The following TRAPPC13 variants were observed in gnomAD, a reference collection of about 807,000 sequenced individuals.
TRAPPC13 encodes the protein trafficking protein particle complex subunit 13.
In TRAPPC13, 39 loss-of-function variants were observed where a neutral mutation model predicts 54.0. The ratio of observed to expected loss-of-function variants is 0.72; its 90% CI spans 0.56 to 0.94. The LOEUF is 0.94. TRAPPC13 is among the 40% of genes least tolerant of loss of function. The pLI is 0.00. For synonymous variants in TRAPPC13, 148 were observed against 167.7 expected (o/e 0.88, Z 0.91); for missense variants, 386 against 488.1 (o/e 0.79, Z 1.97).
In TRAPPC13 at chr5:65,635,948, T is replaced by A; in HGVS notation, c.120T>A (p.Asp40Glu). The change falls in exon 3 of 13, where the codon GAT becomes GAA. Residue 40 changes from aspartate (D) to glutamate (E), a missense_variant. Transcript: ENST00000399438. ...TATGTTTTTCTCTTCATTCAGGAGA[T>A]CTCTTTAACCAGCTGATGAGAGATG... The part of the protein sequence containing the change: ...VTCEEKDLPG[D>E]LFNQLMRDDP... 6.3e-7 allele frequency: 1 copy of A among 1,582,088 alleles called. No homozygotes were observed. The highest frequency in any genetic ancestry group is 8.6e-7 in the Non-Finnish European group (1 of 1,162,690).
At chr5:65,636,483 A>G (rs879549041) in intron 3 of TRAPPC13, among the ~76,000 whole-genome samples, 3 of 151,886 alleles carry the variant, frequency 2.0e-5, no homozygotes, top group Non-Finnish European at 2.9e-5. Context: ...AAAAAATCAT[A>G]CTATGTGATT....
chr5:65,647,064 C>T lies in TRAPPC13; in HGVS notation c.310C>T (p.Gln104Ter). ...VKDILVKADL[Q>*]TSSQRLNLSA... is the part of the protein sequence containing the mutation. ...TTAACTTTCTTTCAAGGCTGATCTT[C>T]AGACAAGTTCTCAGCGTTTAAATCT... is the stretch of plus-strand genomic sequence containing the variant. The change falls in exon 5 of 13, where the codon CAG (glutamine) becomes TAG (stop). Residue 104 changes from glutamine (Q) to a stop codon, truncating the protein, a stop_gained. Transcript: ENST00000399438. LOFTEE classifies it high-confidence loss of function. 1 of 1,529,128 alleles carries T rather than the reference C, an allele frequency of 6.5e-7. No individual in the cohort carries two copies. The highest frequency in any genetic ancestry group is 8.8e-7 in the Non-Finnish European group (1 of 1,137,690). The allele number at this position is 1,529,128 out of a possible 1,614,324, so 94.7% of individuals were successfully genotyped here. A position where few individuals can be genotyped will look rare whatever the true frequency, so the allele number is the denominator to read the frequency against.
rs1755484475 is a variant in TRAPPC13, at chr5:65,630,370, T to TGAATGA, written c.47-4931_47-4930insGAATGA. On this transcript the variant is annotated intron_variant, in intron 1 of 12. Coordinates refer to ENST00000399438, the MANE Select transcript of TRAPPC13 (RefSeq NM_024941.4). ...TTCCACTGATTGTCAAAAAGAATATTCTGAATGAAATGAATATGGATTGAA... is the reference window on the plus strand; with the variant it reads ...TTCCACTGATTGTCAAAAAGAATATTGAATGACTGAATGAAATGAATATGGATTGAA... The TGAATGA allele has an allele frequency of 2.1e-6, 3 of 1,457,226 alleles. No homozygotes were observed. The African/African-American group carries it at 4.3e-5, about 21-fold the overall frequency. 90.3% of individuals were successfully genotyped at this position (1,457,226 alleles called of 1,614,324 possible).
intron 1 of TRAPPC13, among the ~76,000 whole-genome samples, chr5:65,628,055 G>C (rs1755331613): frequency 6.6e-6 from 1 of 152,168 alleles, no homozygotes; most frequent in South Asian, 2.1e-4. Flanking sequence ...GTTAGGATGT[G>C]AAAAAGTCTG....
chr5:65,630,256 G>A, intron 1 of TRAPPC13: 1 of 1,535,586 alleles, frequency 6.5e-7, no homozygotes, highest in South Asian at 1.2e-5. Flanking sequence ...GTGAATATGT[G>A]GGAAGTCTTC....
At chr5:65,639,534 A>C (rs1332680469) in intron 4 of TRAPPC13, among the ~76,000 whole-genome samples, 4 of 152,086 alleles carry the variant, frequency 2.6e-5, no homozygotes, top group Non-Finnish European at 4.4e-5. Flanking sequence ...GCTGGCACAC[A>C]CCTGTAGTCC....
intron 1 of TRAPPC13, among the ~76,000 whole-genome samples, chr5:65,632,256 C>A (rs534098831): frequency 6.6e-6 from 1 of 152,146 alleles, no homozygotes; most frequent in East Asian, 1.9e-4. Context: ...AAAATGAGAC[C>A]CTGTCTAGTG....
intron 7 of TRAPPC13, among the ~76,000 whole-genome samples, chr5:65,653,622 A>T (rs1756553127): frequency 2.0e-5 from 3 of 152,222 alleles, no homozygotes; most frequent in Non-Finnish European, 4.4e-5. Flanking sequence ...AGTTTAAAGA[A>T]GCTTTATGGA....
At chr5:65,644,288 T>TG (rs1287442843) in intron 4 of TRAPPC13, among the ~76,000 whole-genome samples, 1 of 152,158 alleles carries the variant, frequency 6.6e-6, no homozygotes, top group Non-Finnish European at 1.5e-5. Flanking sequence ...GTGATTCTTC[T>TG]GCCTCAGCCT....
chr5:65,661,058 C>T (rs1239207466), intron 10 of TRAPPC13, 161 bp downstream of exon 10: 3 of 535,426 alleles, frequency 5.6e-6, no homozygotes, highest in Non-Finnish European at 9.8e-6. Flanking sequence ...ATAGGTAGGT[C>T]GAAGACTGGT....
In TRAPPC13 at chr5:65,653,669, C is replaced by A. The variant is rs994116699; in HGVS notation, c.546+1124C>A. On this transcript the variant is annotated intron_variant, in intron 7 of 12. Transcript: ENST00000399438. ...ACTGGATTGGAGTCTGAAAGGAATG[C>A]AGGTTGGAAACAAGTGTCAAAGCAG... Among the ~76,000 whole-genome samples, 4 of 152,044 alleles carry A rather than the reference C, an allele frequency of 2.6e-5. No individual in the cohort carries two copies. In the East Asian group the frequency reaches 7.7e-4, roughly 29 times the overall value.
intron 1 of TRAPPC13, among the ~76,000 whole-genome samples, chr5:65,633,100 T>G (rs1755608596): frequency 6.6e-6 from 1 of 152,206 alleles, no homozygotes; most frequent in Admixed American, 6.5e-5. Context: ...GTTACTTTTT[T>G]TCTGAAAAAG....
chr5:65,629,678 C>T (rs533736405), intron 1 of TRAPPC13: 2 of 1,536,052 alleles, frequency 1.3e-6, no homozygotes, highest in Admixed American at 2.0e-5. Context: ...TCAAGACTTT[C>T]CTACTCGTCC....
intron 4 of TRAPPC13, among the ~76,000 whole-genome samples, chr5:65,644,745 G>A (rs918655448): frequency 2.6e-5 from 4 of 151,916 alleles, no homozygotes; most frequent in Non-Finnish European, 5.9e-5. Context: ...GCCAGGCTTA[G>A]TGCCGCTTGC....
chr5:65,644,925 G>A (rs1361614941), intron 4 of TRAPPC13, among the ~76,000 whole-genome samples: 1 of 149,662 alleles, frequency 6.7e-6, no homozygotes, highest in African/African-American at 2.5e-5. Flanking sequence ...GGCTGGGCGC[G>A]GTGGCTCATA....
intron 7 of TRAPPC13, among the ~76,000 whole-genome samples, chr5:65,654,112 A>C (rs1178436179): frequency 6.6e-6 from 1 of 152,162 alleles, no homozygotes; most frequent in African/African-American, 2.4e-5. Context: ...GTACACTAAG[A>C]TACCTGTAAA....
chr5:65,660,019 T>C (rs902435123), intron 9 of TRAPPC13, among the ~76,000 whole-genome samples: 1 of 148,988 alleles, frequency 6.7e-6, no homozygotes, highest in African/African-American at 2.5e-5. Context: ...GGTAATAGCT[T>C]GGGATAGCAT....
chr5:65,646,132 A>T (rs1756198659), intron 4 of TRAPPC13, among the ~76,000 whole-genome samples: 1 of 151,888 alleles, frequency 6.6e-6, no homozygotes, highest in African/African-American at 2.4e-5. Context: ...GATTGTGATA[A>T]ATGTTACAAA....
At chr5:65,653,652 G>T (rs1456486789) in intron 7 of TRAPPC13, among the ~76,000 whole-genome samples, 1 of 152,106 alleles carries the variant, frequency 6.6e-6, no homozygotes, top group African/African-American at 2.4e-5. Context: ...AAACTGGATT[G>T]GAGTCTGAAA....
Sources: allele counts gnomAD v4.1 joint callset (sites outside exome capture counted in the v4.1 genomes callset), GRCh38; gene constraint gnomAD v4.1.1; transcripts MANE v1.5; gene names NCBI Gene and HGNC (gene_info 2026-07-23, HGNC 2026-07-21).